Variants in MIPOL1 observed in about 807,000 individuals in gnomAD.
MIPOL1 encodes the protein mirror-image polydactyly 1.
MIPOL1 carries 57 observed loss-of-function variants against 60.9 expected under a neutral mutation model. That is an observed-to-expected ratio of 0.94 (90% CI 0.76 to 1.17). MIPOL1 has a LOEUF of 1.17. Among genes scored for constraint, MIPOL1 ranks in the 50% most tolerant of loss-of-function variants. The pLI is 0.00. For synonymous variants in MIPOL1, 179 were observed against 168.8 expected (o/e 1.06, Z -0.47); for missense variants, 551 against 511.6 (o/e 1.08, Z -0.74).
intron 10 of MIPOL1, among the ~76,000 whole-genome samples, chr14:37,374,702 G>A (rs1301194186): frequency 6.6e-6 from 1 of 152,244 alleles, no homozygotes; most frequent in East Asian, 1.9e-4. Flanking sequence ...TTGTAGATGT[G>A]TAGTGTTATT....
At chr14:37,311,619 T>C (rs576283198) in intron 9 of MIPOL1, among the ~76,000 whole-genome samples, 24 of 152,306 alleles carry the variant, frequency 1.6e-4, no homozygotes, top group Non-Finnish European at 2.1e-4. Context: ...GAATGGAATC[T>C]TTTTTTAACT....
chr14:37,198,197 G>A (rs1964639895), intron 1 of MIPOL1, 93 bp downstream of exon 1: 1 of 152,396 alleles, frequency 6.6e-6, no homozygotes, highest in South Asian at 2.1e-4. Context: ...CTTTTCCTTG[G>A]AGAAGGAGAA....
At chr14:37,362,190 GTTTCTTCATA>G (rs2092293564) in intron 9 of MIPOL1, among the ~76,000 whole-genome samples, 1 of 152,168 alleles carries the variant, frequency 6.6e-6, no homozygotes, top group Non-Finnish European at 1.5e-5. Flanking sequence ...AATTGATGCA[GTTTCTTCATA>G]GCATCAATGG....
At chr14:37,349,682 G>A (rs552122766) in intron 9 of MIPOL1, among the ~76,000 whole-genome samples, 1 of 152,136 alleles carries the variant, frequency 6.6e-6, no homozygotes, top group East Asian at 1.9e-4. Flanking sequence ...TTACTCTGTT[G>A]GCACTCTGTA....
At chr14:37,225,815 G>T (rs1969619792) in intron 1 of MIPOL1, among the ~76,000 whole-genome samples, 1 of 152,130 alleles carries the variant, frequency 6.6e-6, no homozygotes, top group Non-Finnish European at 1.5e-5. Context: ...GCGGCAAATT[G>T]TCTGAACTTT....
At chr14:37,473,764 A>G (rs2094724469) in intron 11 of MIPOL1, among the ~76,000 whole-genome samples, 1 of 152,222 alleles carries the variant, frequency 6.6e-6, no homozygotes, top group Non-Finnish European at 1.5e-5. Context: ...AGTTTACATT[A>G]AAGTTCACTC....
At chr14:37,482,098 G>T (rs1005772703) in intron 11 of MIPOL1, among the ~76,000 whole-genome samples, 3 of 152,104 alleles carry the variant, frequency 2.0e-5, no homozygotes, top group Admixed American at 6.6e-5. Flanking sequence ...AAACTAAAAA[G>T]CTTCTGTACA....
At chr14:37,280,979 T>G (rs1219275717) in intron 6 of MIPOL1, among the ~76,000 whole-genome samples, 1 of 152,226 alleles carries the variant, frequency 6.6e-6, no homozygotes, top group Non-Finnish European at 1.5e-5. Flanking sequence ...GTCTCATTAT[T>G]GTTTTCTTAA....
intron 11 of MIPOL1, among the ~76,000 whole-genome samples, chr14:37,478,039 A>C (rs531903797): frequency 6.6e-6 from 1 of 152,370 alleles, no homozygotes; most frequent in South Asian, 2.1e-4. Flanking sequence ...TCAGAAAGTC[A>C]TGCTATTGGA....
chr14:37,475,370 T>G (rs934161903), intron 11 of MIPOL1, among the ~76,000 whole-genome samples: 6 of 152,210 alleles, frequency 3.9e-5, no homozygotes, highest in Non-Finnish European at 7.3e-5. Flanking sequence ...TTTTGTGAAT[T>G]GTCTTTTCAT....
At chr14:37,368,250 T>C (rs927314701) in intron 9 of MIPOL1, among the ~76,000 whole-genome samples, 2 of 152,122 alleles carry the variant, frequency 1.3e-5, no homozygotes, top group East Asian at 1.9e-4. Context: ...GTATTATATA[T>C]GTATGAAGTG....
At position 37,392,323 on chromosome 14, in the gene MIPOL1, C is replaced by G. The variant is rs1205453554; in HGVS notation, c.936+22699C>G. On this transcript the variant is annotated intron_variant, in intron 10 of 12. Coordinates refer to ENST00000684589, the MANE Select transcript of MIPOL1 (RefSeq NM_001388067.1). Reference sequence around the variant, plus strand: ...ACACCTAAGTATTTAATATTTAGCACTATTACAATGGTATTAGTATTATTT... The same window carrying G: ...ACACCTAAGTATTTAATATTTAGCAGTATTACAATGGTATTAGTATTATTT... Among the ~76,000 whole-genome samples the G allele has an allele frequency of 2.0e-5, 3 of 152,106 alleles. No individual in the cohort carries two copies. The East Asian group carries it at 5.8e-4, about 29-fold the overall frequency.
chr14:37,235,863 C>T (rs575893110), intron 1 of MIPOL1, among the ~76,000 whole-genome samples: 9 of 152,024 alleles, frequency 5.9e-5, no homozygotes, highest in Non-Finnish European at 1.3e-4. Flanking sequence ...TATCATTTTA[C>T]GTTCCTACCA....
At position 37,550,497 on chromosome 14, in the gene MIPOL1, T is replaced by C. The variant is rs1258810587; in HGVS notation, c.*3526T>C. 2 of 132,450 alleles carry C rather than the reference T, an allele frequency of 1.5e-5. No individual in the cohort carries two copies. Among genetic ancestry groups the C allele is most frequent in the East Asian group, 2.0e-4 (1 of 5,028 alleles). The allele number at this position is 132,450 out of a possible 1,614,324, so 8.2% of individuals were successfully genotyped here. A position where few individuals can be genotyped will look rare whatever the true frequency, so the allele number is the denominator to read the frequency against. Reference sequence around the variant, plus strand: ...CTAACCTATCTATTCATATTTTACATATATATATATATATATACATGCACA... The same window carrying C: ...CTAACCTATCTATTCATATTTTACACATATATATATATATATACATGCACA... On this transcript the variant is annotated 3_prime_UTR_variant, in exon 13 of 13. Coordinates refer to ENST00000684589, the MANE Select transcript of MIPOL1 (RefSeq NM_001388067.1).
rs1167416109 is a variant in MIPOL1, at chr14:37,269,679, G to T, written c.388-741G>T. Among the ~76,000 whole-genome samples, 3 of 152,262 alleles carry T rather than the reference G, an allele frequency of 2.0e-5. No individual in the cohort carries two copies. In the East Asian group the frequency reaches 5.8e-4, roughly 29 times the overall value. On this transcript the variant is annotated intron_variant, in intron 5 of 12. Coordinates refer to ENST00000684589, the MANE Select transcript of MIPOL1 (RefSeq NM_001388067.1). ...AAGGGAGATTTGTATCAGATATTAA[G>T]ATTATTGTCTTAATTTTGTTTCAGA...
At chr14:37,457,437 ATTTTC>A (rs1218432032) in intron 11 of MIPOL1, among the ~76,000 whole-genome samples, 1 of 152,080 alleles carries the variant, frequency 6.6e-6, no homozygotes, top group Non-Finnish European at 1.5e-5. Context: ...ATGGGTTATT[ATTTTC>A]TTGGTTTCAC....
chr14:37,449,087 C>T (rs2094381190), intron 11 of MIPOL1, among the ~76,000 whole-genome samples: 2 of 152,164 alleles, frequency 1.3e-5, no homozygotes, highest in Non-Finnish European at 2.9e-5. Context: ...TCACATTCTT[C>T]CGTCACTTGA....
In MIPOL1 at chr14:37,198,092, A is replaced by T. The variant is rs901789131; in HGVS notation, c.-211A>T. The T allele has an allele frequency of 6.6e-6, 1 of 152,362 alleles. No individual in the cohort carries two copies. Among genetic ancestry groups the T allele is most frequent in the Non-Finnish European group, 1.5e-5 (1 of 68,154 alleles). The allele number at this position is 152,362 out of a possible 1,614,324, so 9.4% of individuals were successfully genotyped here. On this transcript the variant is annotated 5_prime_UTR_variant, in exon 1 of 13. Coordinates refer to ENST00000684589, the MANE Select transcript of MIPOL1 (RefSeq NM_001388067.1). ...CAGTGTCGACTCCCCGGTCTATGCC[A>T]GGCGCATCTCAGGTAAACGGTTGGG... is the stretch of plus-strand genomic sequence containing the variant.
intron 1 of MIPOL1, among the ~76,000 whole-genome samples, chr14:37,224,312 T>C (rs1969331101): frequency 6.6e-6 from 1 of 152,138 alleles, no homozygotes; most frequent in Non-Finnish European, 1.5e-5. Context: ...AGACCCCATC[T>C]TTACCAAAAA....
Sources: gnomAD v4.1 joint callset for allele counts (sites outside exome capture counted in the v4.1 genomes callset) on GRCh38, gnomAD v4.1.1 for gene constraint, MANE v1.5 for transcripts, NCBI Gene and HGNC (gene_info 2026-07-23, HGNC 2026-07-21) for gene names.